The following CNTNAP2 variants were observed in gnomAD, a reference collection of about 807,000 sequenced individuals.
CNTNAP2 encodes contactin-associated protein-like 2.
Under a neutral mutation model 155.2 loss-of-function variants are expected in CNTNAP2, and 98 were observed. That is an observed-to-expected ratio of 0.63 (90% CI 0.54 to 0.75). The LOEUF is 0.75. CNTNAP2 is among the 30% of genes least tolerant of loss of function. CNTNAP2 has a pLI of 0.00. For synonymous variants in CNTNAP2, 651 were observed against 631.2 expected (o/e 1.03, Z -0.47); for missense variants, 1,727 against 1,688.1 (o/e 1.02, Z -0.40).
intron 1 of CNTNAP2, among the ~76,000 whole-genome samples, chr7:146,503,441 T>C (rs1377886351): frequency 6.6e-6 from 1 of 152,214 alleles, no homozygotes; most frequent in South Asian, 2.1e-4. Flanking sequence ...ATTCAATGTG[T>C]GGCCCAAGGT....
intron 1 of CNTNAP2, among the ~76,000 whole-genome samples, chr7:146,360,156 T>A (rs1425440256): frequency 6.6e-6 from 1 of 152,186 alleles, no homozygotes; most frequent in Non-Finnish European, 1.5e-5. Context: ...TCTATTTTCT[T>A]TCCAGTGTTA....
chr7:146,666,562 A>T (rs1800199131), intron 1 of CNTNAP2, among the ~76,000 whole-genome samples: 2 of 152,110 alleles, frequency 1.3e-5, no homozygotes, highest in Admixed American at 6.6e-5. Context: ...GTAATTTTTG[A>T]GGAACCTCTA....
At chr7:148,183,367 T>C (rs1795068694) in intron 18 of CNTNAP2, among the ~76,000 whole-genome samples, 1 of 151,998 alleles carries the variant, frequency 6.6e-6, no homozygotes, top group African/African-American at 2.4e-5. Flanking sequence ...TTGGAAAACA[T>C]ATATCATTAA....
At chr7:146,293,725 C>G (rs138299431) in intron 1 of CNTNAP2, among the ~76,000 whole-genome samples, 1 of 151,994 alleles carries the variant, frequency 6.6e-6, no homozygotes, top group African/African-American at 2.4e-5. Context: ...GCTTAATGCT[C>G]ATTGGGTTTC....
chr7:146,684,049 GCT>G (rs1323879271), intron 1 of CNTNAP2, among the ~76,000 whole-genome samples: 1 of 152,080 alleles, frequency 6.6e-6, no homozygotes, highest in Non-Finnish European at 1.5e-5. Context: ...TTGGGTTACG[GCT>G]CTCTCTCTAG....
chr7:146,455,793 C>T (rs1584933525), intron 1 of CNTNAP2, among the ~76,000 whole-genome samples: 1 of 152,080 alleles, frequency 6.6e-6, no homozygotes, highest in East Asian at 1.9e-4. Context: ...TGATTGTAAA[C>T]TCAATACTGA....
intron 3 of CNTNAP2, among the ~76,000 whole-genome samples, chr7:146,893,574 G>T (rs1357115145): frequency 6.6e-6 from 1 of 151,968 alleles, no homozygotes; most frequent in Non-Finnish European, 1.5e-5. Flanking sequence ...TTAAGAAAAA[G>T]ATATTCTAAG....
intron 5 of CNTNAP2, among the ~76,000 whole-genome samples, chr7:147,112,465 C>A (rs1033713844): frequency 6.6e-6 from 1 of 152,164 alleles, no homozygotes; most frequent in Non-Finnish European, 1.5e-5. Flanking sequence ...CTGTGGAATG[C>A]TTCCAGCTTT....
chr7:148,166,207 T>G (rs1360293168), intron 17 of CNTNAP2, among the ~76,000 whole-genome samples: 2 of 152,140 alleles, frequency 1.3e-5, no homozygotes, highest in Non-Finnish European at 2.9e-5. Context: ...TTGAGTTTGT[T>G]GTTAAATTTC....
chr7:146,531,921 T>C (rs1430086018), intron 1 of CNTNAP2, among the ~76,000 whole-genome samples: 2 of 152,012 alleles, frequency 1.3e-5, no homozygotes, highest in East Asian at 3.9e-4. Context: ...AGAGCACTAT[T>C]TAGTTACTGA....
chr7:148,121,062 T>G (rs781072032), intron 16 of CNTNAP2, among the ~76,000 whole-genome samples: 4 of 152,102 alleles, frequency 2.6e-5, no homozygotes, highest in Non-Finnish European at 4.4e-5. Flanking sequence ...TTTTATGGTG[T>G]CTCGCTCTGT....
chr7:146,912,229 A>T (rs541266341), intron 3 of CNTNAP2, among the ~76,000 whole-genome samples: 2 of 150,486 alleles, frequency 1.3e-5, no homozygotes, highest in African/African-American at 4.9e-5. Context: ...TAGGATGCAG[A>T]TGTTCTTGCT....
chr7:147,917,995 C>T (rs542200518), intron 14 of CNTNAP2, among the ~76,000 whole-genome samples: 1 of 152,344 alleles, frequency 6.6e-6, no homozygotes, highest in South Asian at 2.1e-4. Flanking sequence ...TTCTGCAGAA[C>T]CAGCGCCAGT....
At chr7:147,585,176 G>A (rs562070415) in intron 12 of CNTNAP2, among the ~76,000 whole-genome samples, 13 of 152,186 alleles carry the variant, frequency 8.5e-5, no homozygotes, top group African/African-American at 2.6e-4. Context: ...ATCAGCAGCA[G>A]GCATATTTAC....
At chr7:147,910,687 A>G (rs113196717) in intron 14 of CNTNAP2, among the ~76,000 whole-genome samples, 2,331 of 152,284 alleles carry the variant, frequency 0.015, 35 homozygotes, top group South Asian at 0.027. Context: ...TGCAGGCAAG[A>G]GAACTTGTGC....
At chr7:147,260,896 C>T (rs1804450284) in intron 8 of CNTNAP2, among the ~76,000 whole-genome samples, 1 of 152,178 alleles carries the variant, frequency 6.6e-6, no homozygotes, top group African/African-American at 2.4e-5. Flanking sequence ...AAATACTTGG[C>T]ACTCACTCCA....
intron 13 of CNTNAP2, among the ~76,000 whole-genome samples, chr7:147,711,453 T>C (rs1796399113): frequency 6.6e-6 from 1 of 152,192 alleles, no homozygotes; most frequent in Non-Finnish European, 1.5e-5. Flanking sequence ...GGGATGACCT[T>C]CCTTCAATGG....
At chr7:148,210,722 A>T (rs889913204) in intron 18 of CNTNAP2, among the ~76,000 whole-genome samples, 1 of 152,216 alleles carries the variant, frequency 6.6e-6, no homozygotes, top group Non-Finnish European at 1.5e-5. Flanking sequence ...AATTGGTTAC[A>T]ATAGATATGG....
chr7:148,364,923 G>A (rs1177938), intron 21 of CNTNAP2, among the ~76,000 whole-genome samples: 49,040 of 152,012 alleles, frequency 0.32, 8,381 homozygotes, highest in Non-Finnish European at 0.39. Flanking sequence ...CACTCACCGC[G>A]AAGGTCTGCA....
Sources: gnomAD v4.1 joint callset for allele counts (sites outside exome capture counted in the v4.1 genomes callset) on GRCh38, gnomAD v4.1.1 for gene constraint, MANE v1.5 for transcripts, NCBI Gene and HGNC (gene_info 2026-07-23, HGNC 2026-07-21) for gene names.